The following SERAC1 variants were observed in gnomAD, a reference collection of about 807,000 sequenced individuals.
The protein encoded by SERAC1 is protein SERAC1.
A neutral mutation model predicts 85.7 loss-of-function variants in SERAC1; 36 were observed. That is an observed-to-expected ratio of 0.42 (90% CI 0.32 to 0.55). The LOEUF (loss-of-function observed/expected upper bound fraction) is 0.55. Among genes scored for constraint, SERAC1 ranks in the 20% least tolerant of loss-of-function variants. The probability of loss-of-function intolerance (pLI) is 0.11; values close to 1 mark genes in which losing one functional copy is unlikely to be tolerated. For missense variants in SERAC1, 629 were observed against 796.2 expected (o/e 0.79, Z 2.53); for synonymous variants, 242 against 265.3 (o/e 0.91, Z 0.85).
rs117154344 is a variant in SERAC1, at chr6:158,143,841, C to T, written c.609+458G>A. Among the ~76,000 whole-genome samples, 137 of 152,162 alleles carry T rather than the reference C, an allele frequency of 9.0e-4. 2 individuals are homozygous for T. The East Asian group carries it at 0.013, about 14-fold the overall frequency. On this transcript the variant is annotated intron_variant, in intron 7 of 16. Transcript: ENST00000647468. Reference sequence around the variant, plus strand: ...GTTTTGCCCCAGAAACATCTGGCAACGTCTGGGGTCATTTTTGGTTGTTAC... The same window carrying T: ...GTTTTGCCCCAGAAACATCTGGCAATGTCTGGGGTCATTTTTGGTTGTTAC...
chr6:158,126,921 C>T (rs1005741936), intron 10 of SERAC1, among the ~76,000 whole-genome samples: 5 of 152,050 alleles, frequency 3.3e-5, no homozygotes, highest in Non-Finnish European at 5.9e-5. Flanking sequence ...TGCACAATGG[C>T]ACGTGCCTGT....
intron 16 of SERAC1, chr6:158,111,732 T>A (rs1784148127): frequency 2.9e-6 from 1 of 346,948 alleles, no homozygotes; most frequent in African/African-American, 2.1e-5. Context: ...CATGAACTTT[T>A]CGTATGTGTT....
intron 1 of SERAC1, among the ~76,000 whole-genome samples, chr6:158,160,454 C>CT (rs757767975): frequency 2.0e-5 from 3 of 152,250 alleles, no homozygotes; most frequent in Non-Finnish European, 4.4e-5. Context: ...AAACTTAGTA[C>CT]TTTTTTCCTT....
chr6:158,122,369 GA>G (rs765067906), intron 10 of SERAC1, among the ~76,000 whole-genome samples: 1 of 152,230 alleles, frequency 6.6e-6, no homozygotes, highest in African/African-American at 2.4e-5. Flanking sequence ...ATCTAATGAT[GA>G]AAGTCTTGCT....
At chr6:158,160,256 C>T (rs1182054007) in intron 1 of SERAC1, among the ~76,000 whole-genome samples, 2 of 151,814 alleles carry the variant, frequency 1.3e-5, no homozygotes, top group African/African-American at 4.8e-5. Flanking sequence ...ATCTGAGTCC[C>T]TAGGAACGAA....
intron 10 of SERAC1, among the ~76,000 whole-genome samples, chr6:158,126,347 A>G (rs1167579660): frequency 6.8e-6 from 1 of 146,408 alleles, no homozygotes; most frequent in African/African-American, 2.6e-5. Context: ...TGGGCATATC[A>G]TAAAGGACAT....
rs767504827 is a variant in SERAC1 at position 158,146,822 on chromosome 6, G to A, written c.447C>T (p.Leu149=). The A allele has an allele frequency of 1.6e-5, 26 of 1,613,804 alleles. No homozygotes were observed. The highest frequency in any genetic ancestry group is 4.5e-5 in the East Asian group (2 of 44,878). The change falls in exon 6 of 17, where the codon CTC becomes CTT. Residue 149 remains leucine, a synonymous_variant. Coordinates refer to ENST00000647468, the MANE Select transcript of SERAC1 (RefSeq NM_032861.4). ...TCTCCGACATTTCCCGCACAGCCTC[G>A]AGTCGCGTGGTTTTGTCATCTGACT... ...KSKSDDKTTR[L]EAVREMSETH...
At chr6:158,135,996 G>C (rs1014895676) in intron 8 of SERAC1, among the ~76,000 whole-genome samples, 2 of 152,130 alleles carry the variant, frequency 1.3e-5, no homozygotes, top group Non-Finnish European at 2.9e-5. Context: ...ATTTTTAGTA[G>C]AGATGGGGTT....
chr6:158,149,396 T>G (rs1446453482), intron 4 of SERAC1, among the ~76,000 whole-genome samples: 1 of 152,250 alleles, frequency 6.6e-6, no homozygotes, highest in Non-Finnish European at 1.5e-5. Flanking sequence ...GTCTTTTTAT[T>G]GTCACTATCG....
chr6:158,133,670 C>A (rs1340299315), intron 8 of SERAC1, among the ~76,000 whole-genome samples: 1 of 152,150 alleles, frequency 6.6e-6, no homozygotes, highest in Admixed American at 6.5e-5. Flanking sequence ...CAGGCGTAAG[C>A]CACTGCACCT....
At chr6:158,121,184 C>T (rs1008107098) in intron 10 of SERAC1, among the ~76,000 whole-genome samples, 1 of 151,872 alleles carries the variant, frequency 6.6e-6, no homozygotes, top group Non-Finnish European at 1.5e-5. Flanking sequence ...TATAAAAGTA[C>T]ATGTGCACAC....
At chr6:158,124,224 A>G (rs1784484759) in intron 10 of SERAC1, among the ~76,000 whole-genome samples, 1 of 152,198 alleles carries the variant, frequency 6.6e-6, no homozygotes, top group Non-Finnish European at 1.5e-5. Flanking sequence ...CACCTCATCA[A>G]TGAACCTGTA....
chr6:158,143,198 A>G lies in SERAC1; in HGVS notation c.610-14T>C, dbSNP rs1784959842. The G allele has an allele frequency of 6.2e-7, 1 of 1,609,374 alleles. No homozygotes were observed. The highest frequency in any genetic ancestry group is 8.5e-7 in the Non-Finnish European group (1 of 1,178,860). On this transcript the variant is annotated splice_polypyrimidine_tract_variant and intron_variant, in intron 7 of 16. Coordinates refer to ENST00000647468, the MANE Select transcript of SERAC1 (RefSeq NM_032861.4). ...AGTGGAAGAATCCTGAAATAAAAGG[A>G]AAGGAAATTCTTCATAAATACTCAA...
intron 8 of SERAC1, among the ~76,000 whole-genome samples, chr6:158,138,645 G>GAAGT (rs1784851031): frequency 6.6e-6 from 1 of 152,064 alleles, no homozygotes; most frequent in Non-Finnish European, 1.5e-5. Flanking sequence ...AGAACACAGA[G>GAAGT]AAGTACACAA....
Position 158,155,357 on chromosome 6 carries a change from A to C in SERAC1, c.92-6T>G. The stretch of plus-strand genomic sequence containing the variant: ...AGTAAACTTTATTATATTTCCTTCA[A>C]AAGAAAAAAAGTCAATGTGATGAAT... On this transcript the variant is annotated splice_polypyrimidine_tract_variant and splice_region_variant and intron_variant, in intron 2 of 16. Coordinates refer to ENST00000647468, the MANE Select transcript of SERAC1 (RefSeq NM_032861.4). 4 of 1,520,072 alleles carry C rather than the reference A, an allele frequency of 2.6e-6. No homozygotes were observed. Among genetic ancestry groups the C allele is most frequent in the Non-Finnish European group, 3.6e-6 (4 of 1,097,362 alleles). 94.2% of individuals were successfully genotyped at this position (1,520,072 alleles called of 1,614,324 possible).
intron 3 of SERAC1, 62 bp downstream of exon 3, chr6:158,155,253 G>T: frequency 1.7e-6 from 2 of 1,142,900 alleles, no homozygotes; most frequent in South Asian, 1.3e-5. Flanking sequence ...GTCAATCACT[G>T]CCATTGAGAT....
At chr6:158,151,220 G>A (rs1438837300) in intron 3 of SERAC1, 1 of 151,756 alleles carries the variant, frequency 6.6e-6, no homozygotes, top group Non-Finnish European at 1.5e-5. Context: ...ATGGGTTTGT[G>A]TTTCATTTTT....
chr6:158,113,708 G>A, intron 15 of SERAC1, 116 bp from the exon 16 acceptor site: 1 of 930,698 alleles, frequency 1.1e-6, no homozygotes, highest in Non-Finnish European at 1.6e-6. Flanking sequence ...ACGGTGGCTT[G>A]AGTACACATG....
At chr6:158,142,740 G>T (rs1384306007) in intron 8 of SERAC1, among the ~76,000 whole-genome samples, 5 of 152,138 alleles carry the variant, frequency 3.3e-5, no homozygotes, top group African/African-American at 1.2e-4. Flanking sequence ...CTCCCAACGT[G>T]CTGGGACCAC....
Sources: gnomAD v4.1 joint callset for allele counts (sites outside exome capture counted in the v4.1 genomes callset) on GRCh38, gnomAD v4.1.1 for gene constraint, MANE v1.5 for transcripts, NCBI Gene and HGNC (gene_info 2026-07-23, HGNC 2026-07-21) for gene names.